LUC7L: variants seen among roughly 807,000 people sequenced by gnomAD.
The protein encoded by LUC7L is LUC7 like, also known as putative RNA-binding protein Luc7-like 1.
A neutral mutation model predicts 51.1 loss-of-function variants in LUC7L; 29 were observed. The observed-to-expected ratio is 0.57, with a 90% CI of 0.42 to 0.77. The LOEUF is 0.77. Among genes scored for constraint, LUC7L ranks in the 30% least tolerant of loss-of-function variants. The pLI, the probability that LUC7L is intolerant of heterozygous loss-of-function variation, is 0.00. For missense variants in LUC7L, 403 were observed against 511.9 expected (o/e 0.79, Z 2.05); for synonymous variants, 181 against 180.7 (o/e 1.00, Z -0.01).
intron 6 of LUC7L, among the ~76,000 whole-genome samples, chr16:197,004 T>C (rs1418859830): frequency 6.8e-6 from 1 of 148,092 alleles, no homozygotes; most frequent in Non-Finnish European, 1.5e-5. Context: ...GCCTCCCGGG[T>C]TGACACCATT....
chr16:189,425 A>C (rs1167375569), intron 9 of LUC7L, 86 bp from the exon 10 acceptor site: 6 of 1,477,956 alleles, frequency 4.1e-6, no homozygotes, highest in Non-Finnish European at 5.4e-6. Context: ...CCCGCAGACC[A>C]GGCCAGGCAA....
At chr16:228,287 C>G (rs2050178974) in intron 1 of LUC7L, 3 of 1,301,136 alleles carry the variant, frequency 2.3e-6, no homozygotes, top group Non-Finnish European at 2.0e-6. Flanking sequence ...TGAAAAAAAG[C>G]AAACACTTTT....
intron 5 of LUC7L, 102 bp downstream of exon 5, chr16:205,902 T>G: frequency 7.1e-7 from 1 of 1,417,290 alleles, no homozygotes; most frequent in Non-Finnish European, 9.6e-7. Flanking sequence ...AATGTATAAA[T>G]TTTTTAAAAA....
At chr16:195,020 C>T (rs1317718657) in intron 6 of LUC7L, among the ~76,000 whole-genome samples, 2 of 152,112 alleles carry the variant, frequency 1.3e-5, no homozygotes, top group African/African-American at 4.8e-5. Context: ...CACAAGGGCA[C>T]GGAAAGTATG....
chr16:228,979 G>T, intron 1 of LUC7L: 1 of 1,432,958 alleles, frequency 7.0e-7, no homozygotes, highest in Admixed American at 2.2e-5. Context: ...ACAGTTCGCG[G>T]AGGGGCACGG....
chr16:227,053 AAC>A (rs1333755775), intron 2 of LUC7L, among the ~76,000 whole-genome samples, 187 bp downstream of exon 2: 1 of 152,220 alleles, frequency 6.6e-6, no homozygotes, highest in South Asian at 2.1e-4. Flanking sequence ...CAGCCTGGGC[AAC>A]ACAGAGTGAC....
chr16:211,514 A>G (rs1240621999), intron 3 of LUC7L, among the ~76,000 whole-genome samples: 1 of 152,176 alleles, frequency 6.6e-6, no homozygotes, highest in Non-Finnish European at 1.5e-5. Context: ...GCCAACCAAG[A>G]GCTGCCAAGT....
chr16:197,675 T>C (rs2049190498), intron 6 of LUC7L, among the ~76,000 whole-genome samples: 1 of 152,200 alleles, frequency 6.6e-6, no homozygotes, highest in South Asian at 2.1e-4. Context: ...AGTCCCAGGT[T>C]CACACCATCA....
chr16:222,329 GAA>G (rs35172319), intron 2 of LUC7L, among the ~76,000 whole-genome samples: 3 of 115,878 alleles, frequency 2.6e-5, no homozygotes, highest in Non-Finnish European at 1.8e-5. Flanking sequence ...TACATAACCA[GAA>G]AAAAAAAAAA....
intron 7 of LUC7L, among the ~76,000 whole-genome samples, chr16:191,117 G>A (rs1257569569): frequency 2.0e-5 from 3 of 152,158 alleles, no homozygotes; most frequent in African/African-American, 4.8e-5. Context: ...AGCATCAGAC[G>A]CAGCCCTGTA....
chr16:218,529 T>C (rs2049874238), intron 3 of LUC7L, among the ~76,000 whole-genome samples: 1 of 152,130 alleles, frequency 6.6e-6, no homozygotes. Context: ...AAGATGAGCC[T>C]GGCCAACATG....
intron 9 of LUC7L, chr16:189,653 A>C (rs1365281256): frequency 1.5e-6 from 2 of 1,324,178 alleles, no homozygotes; most frequent in Non-Finnish European, 1.9e-6. Flanking sequence ...TATCAAAAAC[A>C]AAAACCAAAA....
intron 7 of LUC7L, among the ~76,000 whole-genome samples, chr16:191,544 C>T (rs2049009839): frequency 6.6e-6 from 1 of 152,174 alleles, no homozygotes. Context: ...ATCAGAATCT[C>T]CTGCTGGTAA....
Position 193,092 on chromosome 16 carries a change from T to G in LUC7L, c.688-77A>C, listed in dbSNP as rs189475636. The G allele has an allele frequency of 2.8e-5, 30 of 1,077,498 alleles. 1 individual carries two copies. The African/African-American group carries it at 3.1e-4, about 11-fold the overall frequency. The allele number at this position is 1,077,498 out of a possible 1,614,324, so 66.7% of individuals were successfully genotyped here. ...GTGAATGCTACTTAACAAATCACCTTTATATGAGCTCAGTATTGGTAATTT... is the reference window on the plus strand; with the variant it reads ...GTGAATGCTACTTAACAAATCACCTGTATATGAGCTCAGTATTGGTAATTT... On this transcript the variant is annotated intron_variant, in intron 6 of 9. Coordinates refer to ENST00000293872, the MANE Select transcript of LUC7L (RefSeq NM_201412.3).
At chr16:196,632 AT>A (rs1037503909) in intron 6 of LUC7L, among the ~76,000 whole-genome samples, 14 of 151,258 alleles carry the variant, frequency 9.3e-5, no homozygotes, top group Non-Finnish European at 4.4e-5. Flanking sequence ...GGTTCAAGCG[AT>A]TCTCCTGCCT....
intron 2 of LUC7L, among the ~76,000 whole-genome samples, chr16:225,320 T>A (rs753942155): frequency 6.6e-6 from 1 of 151,868 alleles, no homozygotes; most frequent in Non-Finnish European, 1.5e-5. Context: ...ACCCCGTCTC[T>A]ACTGAAAATA....
chr16:216,418 G>A (rs1210867176), intron 3 of LUC7L, among the ~76,000 whole-genome samples: 4 of 138,244 alleles, frequency 2.9e-5, no homozygotes, highest in East Asian at 2.1e-4. Flanking sequence ...AGTCTCGCTC[G>A]GTTGTCCAGG....
chr16:204,674 G>A (rs1361432821), intron 5 of LUC7L, among the ~76,000 whole-genome samples: 1 of 152,006 alleles, frequency 6.6e-6, no homozygotes, highest in East Asian at 1.9e-4. Flanking sequence ...GATCACTTCT[G>A]TACGTTTACA....
At chr16:203,352 G>GA (rs1399150198) in intron 5 of LUC7L, among the ~76,000 whole-genome samples, 1 of 152,124 alleles carries the variant, frequency 6.6e-6, no homozygotes, top group Non-Finnish European at 1.5e-5. Context: ...TAGAAGCAGA[G>GA]AGAGTATCTT....
Sources: gnomAD v4.1 joint callset for allele counts (sites outside exome capture counted in the v4.1 genomes callset) on GRCh38, gnomAD v4.1.1 for gene constraint, MANE v1.5 for transcripts, NCBI Gene and HGNC (gene_info 2026-07-23, HGNC 2026-07-21) for gene names.